Variants in QKI observed in about 807,000 individuals in gnomAD.
The protein encoded by QKI is QKI, KH domain containing RNA binding, also known as KH domain-containing RNA-binding protein QKI.
QKI carries 10 observed loss-of-function variants against 39.0 expected under a neutral mutation model. The ratio of observed to expected loss-of-function variants is 0.26; its 90% CI spans 0.16 to 0.43. QKI has a LOEUF of 0.43. Among genes scored for constraint, QKI ranks in the 20% least tolerant of loss-of-function variants. The probability of loss-of-function intolerance (pLI) is 1.00; values close to 1 mark genes in which losing one functional copy is unlikely to be tolerated. For synonymous variants in QKI, 204 were observed against 155.4 expected, an observed-to-expected ratio of 1.31 and a Z score of -2.33; for missense variants, 218 against 428.0, an observed-to-expected ratio of 0.51 and a Z score of 4.33.
intron 4 of QKI, among the ~76,000 whole-genome samples, chr6:163,560,914 G>A (rs1782954678): frequency 6.6e-6 from 1 of 152,052 alleles, no homozygotes. Flanking sequence ...CCAATTCAAG[G>A]TAAATGGGGT....
chr6:163,459,656 A>G (rs1207672321), intron 2 of QKI, among the ~76,000 whole-genome samples: 1 of 152,190 alleles, frequency 6.6e-6, no homozygotes, highest in African/African-American at 2.4e-5. Flanking sequence ...TATAAGGTTC[A>G]CTTCATAGGA....
At chr6:163,518,417 A>G (rs575395969) in intron 3 of QKI, among the ~76,000 whole-genome samples, 2 of 152,258 alleles carry the variant, frequency 1.3e-5, no homozygotes, top group East Asian at 3.9e-4. Context: ...ATTGGAAATC[A>G]TGTTTTACAT....
At chr6:163,480,576 G>A (rs1341129051) in intron 3 of QKI, among the ~76,000 whole-genome samples, 1 of 152,108 alleles carries the variant, frequency 6.6e-6, no homozygotes, top group Non-Finnish European at 1.5e-5. Flanking sequence ...TTATTATAAT[G>A]TATTCCTTGT....
At chr6:163,438,693 A>G (rs547227869) in intron 1 of QKI, among the ~76,000 whole-genome samples, 1 of 152,118 alleles carries the variant, frequency 6.6e-6, no homozygotes, top group Non-Finnish European at 1.5e-5. Flanking sequence ...AGCACTTACC[A>G]TAAATGGGGC....
chr6:163,472,072 G>A (rs962326485), intron 2 of QKI, among the ~76,000 whole-genome samples: 7 of 151,954 alleles, frequency 4.6e-5, no homozygotes, highest in Admixed American at 2.6e-4. Flanking sequence ...CTCCCTTTGC[G>A]GTAAAAAATC....
chr6:163,454,215 TG>T (rs1294136138), intron 1 of QKI, among the ~76,000 whole-genome samples: 1 of 152,144 alleles, frequency 6.6e-6, no homozygotes, highest in African/African-American at 2.4e-5. Flanking sequence ...GACAGGAGCC[TG>T]TCTTCTGGTG....
At chr6:163,481,815 AT>A in intron 3 of QKI, among the ~76,000 whole-genome samples, 1 of 152,316 alleles carries the variant, frequency 6.6e-6, no homozygotes, top group East Asian at 1.9e-4. Flanking sequence ...TGTACCAGCT[AT>A]TTTGTAAATG....
intron 6 of QKI, chr6:163,564,163 T>C: frequency 9.8e-7 from 1 of 1,022,624 alleles, no homozygotes; most frequent in Non-Finnish European, 1.2e-6. Context: ...ATAAAATTCA[T>C]ATTATTGTGT....
intron 4 of QKI, 113 bp downstream of exon 4, chr6:163,535,238 T>A: frequency 1.7e-6 from 2 of 1,150,678 alleles, no homozygotes; most frequent in South Asian, 5.2e-5. Context: ...AAATTTTATT[T>A]AAGCATAAAA....
chr6:163,470,499 C>G (rs1792103284), intron 2 of QKI, among the ~76,000 whole-genome samples: 1 of 151,988 alleles, frequency 6.6e-6, no homozygotes, highest in South Asian at 2.1e-4. Context: ...TTTTTATAAG[C>G]TATTTAGTTA....
chr6:163,456,098 C>T (rs1790888440), intron 2 of QKI, among the ~76,000 whole-genome samples: 1 of 152,154 alleles, frequency 6.6e-6, no homozygotes, highest in Admixed American at 6.5e-5. Flanking sequence ...TATTCCCAGT[C>T]TTAGGGACCC....
intron 6 of QKI, chr6:163,565,922 T>C: frequency 6.2e-7 from 1 of 1,613,396 alleles, no homozygotes; most frequent in Non-Finnish European, 8.5e-7. Context: ...GACTAATTTT[T>C]AATTCCCTTC....
intron 7 of QKI, chr6:163,570,459 T>TG: frequency 1.0e-6 from 1 of 983,410 alleles, no homozygotes; most frequent in Non-Finnish European, 1.2e-6. Flanking sequence ...TTTTTTTTTT[T>TG]TGTGGGAGTG....
intron 3 of QKI, among the ~76,000 whole-genome samples, chr6:163,497,662 TG>T (rs1442596006): frequency 6.6e-6 from 1 of 152,124 alleles, no homozygotes; most frequent in Non-Finnish European, 1.5e-5. Context: ...TCCATGTTTT[TG>T]TTAAAACCCT....
chr6:163,421,266 CATT>C (rs1340527056), intron 1 of QKI, among the ~76,000 whole-genome samples: 17 of 152,226 alleles, frequency 1.1e-4, no homozygotes, highest in African/African-American at 9.6e-5. Context: ...ACTTTACTGT[CATT>C]GTTGGGAAGG....
chr6:163,498,273 A>G (rs1012082661), intron 3 of QKI, among the ~76,000 whole-genome samples: 1 of 151,940 alleles, frequency 6.6e-6, no homozygotes, highest in South Asian at 2.1e-4. Flanking sequence ...GCACAATTGT[A>G]CAGCACAGAT....
chr6:163,448,605 G>A (rs1790329219), intron 1 of QKI, among the ~76,000 whole-genome samples: 2 of 151,928 alleles, frequency 1.3e-5, no homozygotes, highest in African/African-American at 4.8e-5. Flanking sequence ...CCATGGTGGC[G>A]GGCACCTGTA....
rs1777648050 is a variant in QKI at position 163,577,569 on chromosome 6, G to C, written c.*6859G>C. ...GTCCCCTGAAGCCAAGTATTCCCTG[G>C]TTAGTCGCCACCCCACCACTCCTTC... On this transcript the variant is annotated 3_prime_UTR_variant, in exon 8 of 8. Coordinates refer to ENST00000361752, the MANE Select transcript of QKI (RefSeq NM_006775.3). The C allele has an allele frequency of 6.6e-6, 1 of 152,318 alleles. No homozygotes were observed. Among genetic ancestry groups the C allele is most frequent in the Admixed American group, 6.6e-5 (1 of 15,220 alleles). The allele number at this position is 152,318 out of a possible 1,614,324, so 9.4% of individuals were successfully genotyped here. A position where few individuals can be genotyped will look rare whatever the true frequency, so the allele number is the denominator to read the frequency against.
intron 3 of QKI, among the ~76,000 whole-genome samples, chr6:163,504,928 A>G (rs929907948): frequency 6.6e-6 from 1 of 152,198 alleles, no homozygotes; most frequent in Non-Finnish European, 1.5e-5. Flanking sequence ...TATTAAACCC[A>G]TTTTAAAAAC....
Sources: gnomAD v4.1 joint callset for allele counts (sites outside exome capture counted in the v4.1 genomes callset) on GRCh38, gnomAD v4.1.1 for gene constraint, MANE v1.5 for transcripts, NCBI Gene and HGNC (gene_info 2026-07-23, HGNC 2026-07-21) for gene names.